STS: variants seen among roughly 807,000 people sequenced by gnomAD.
STS encodes the protein steryl-sulfatase.
Under a neutral mutation model 26.8 loss-of-function variants are expected in STS, and 7 were observed. The ratio of observed to expected loss-of-function variants is 0.26; its 90% CI spans 0.15 to 0.49. The LOEUF is 0.49. Among genes scored for constraint, STS ranks in the 20% least tolerant of loss-of-function variants. The probability of loss-of-function intolerance (pLI) is 0.98; values close to 1 mark genes in which losing one functional copy is unlikely to be tolerated. For synonymous variants in STS, 199 were observed against 189.4 expected (o/e 1.05, Z -0.42); for missense variants, 434 against 465.6 (o/e 0.93, Z 0.63).
At chrX:7,217,559 C>T (rs1601660400) in intron 2 of STS, among the ~76,000 whole-genome samples, 2 of 111,800 alleles carry the variant, frequency 1.8e-5, no homozygotes, top group East Asian at 2.8e-4. Flanking sequence ...TAAAATTGCT[C>T]GGGCGTATGA....
At chrX:7,155,859 C>T (rs934597034) in intron 1 of STS, among the ~76,000 whole-genome samples, 12 of 111,640 alleles carry the variant, frequency 1.1e-4, no homozygotes, top group Middle Eastern at 9.3e-3. Context: ...TTGCAATTTC[C>T]GAGAATCAGC....
chrX:7,209,322 AC>A (rs1920976042), intron 2 of STS, among the ~76,000 whole-genome samples: 1 of 109,276 alleles, frequency 9.2e-6, no homozygotes, highest in African/African-American at 3.3e-5. Context: ...AAAGATTAAT[AC>A]CACAGATTTT....
At chrX:7,260,397 C>CCTT (rs755693873) in intron 6 of STS, among the ~76,000 whole-genome samples, 1 of 111,267 alleles carries the variant, frequency 9.0e-6, no homozygotes, top group South Asian at 4.0e-4. Flanking sequence ...AGATATCCCA[C>CCTT]TGGTTTTTTG....
Position 7,354,041 on chromosome X carries a change from C to T in STS, c.*3780C>T, listed in dbSNP as rs1928908634. On this transcript the variant is annotated 3_prime_UTR_variant, in exon 11 of 11. Transcript: ENST00000674429. ...TCTCCCAGGCCCAATCTGGGCACTT[C>T]CTTGTAAAATCTAGTTTTGGCAAGA... is the stretch of plus-strand genomic sequence containing the variant. The T allele has an allele frequency of 9.0e-6, 1 of 111,587 alleles. No individual in the cohort carries two copies. Among genetic ancestry groups the T allele is most frequent in the Admixed American group, 9.5e-5 (1 of 10,500 alleles). The allele number at this position is 111,587 out of a possible 1,213,427, so 9.2% of individuals were successfully genotyped here.
intron 2 of STS, among the ~76,000 whole-genome samples, chrX:7,194,503 C>T (rs1933935513): frequency 9.0e-6 from 1 of 111,140 alleles, no homozygotes; most frequent in African/African-American, 3.3e-5. Context: ...GCAGGTCCCT[C>T]CCACAAGTCT....
chrX:7,226,154 C>T (rs1472680506), intron 2 of STS, among the ~76,000 whole-genome samples: 1 of 112,138 alleles, frequency 8.9e-6, no homozygotes, highest in Non-Finnish European at 1.9e-5. Context: ...CCTCTCTAAT[C>T]AATACCCCAG....
intron 2 of STS, chrX:7,219,819 C>T (rs1921470604): frequency 1.2e-6 from 1 of 801,619 alleles, no homozygotes; most frequent in Non-Finnish European, 1.8e-6. Flanking sequence ...TTTCTTAAAT[C>T]TGTTTTTGCT....
At chrX:7,278,245 G>T (rs192455542) in intron 7 of STS, among the ~76,000 whole-genome samples, 358 of 112,366 alleles carry the variant, frequency 3.2e-3, no homozygotes, top group Non-Finnish European at 5.5e-3. Context: ...GTGTTCTAAA[G>T]AATATTTCTT....
intron 10 of STS, among the ~76,000 whole-genome samples, chrX:7,348,931 G>C (rs1321311284): frequency 9.0e-6 from 1 of 110,897 alleles, no homozygotes; most frequent in Non-Finnish European, 1.9e-5. Context: ...ATCACTTCTA[G>C]CCTCATTTAA....
chrX:7,228,473 A>C (rs1433109747), intron 2 of STS, among the ~76,000 whole-genome samples: 1 of 111,491 alleles, frequency 9.0e-6, no homozygotes, highest in African/African-American at 3.3e-5. Flanking sequence ...CATTTTCCTG[A>C]TGATTGGTGA....
chrX:7,313,664 A>G (rs1448695535), intron 8 of STS, among the ~76,000 whole-genome samples: 1 of 111,896 alleles, frequency 8.9e-6, no homozygotes, highest in Middle Eastern at 4.2e-3. Context: ...TTTTACTGGC[A>G]TGCATTTATA....
intron 8 of STS, among the ~76,000 whole-genome samples, chrX:7,318,126 G>A (rs1172669294): frequency 1.8e-5 from 2 of 111,757 alleles, no homozygotes; most frequent in Non-Finnish European, 3.8e-5. Context: ...AAAGTCACGA[G>A]TTTGAATGGT....
chrX:7,278,534 T>C (rs1289256754), intron 7 of STS, among the ~76,000 whole-genome samples: 1 of 112,211 alleles, frequency 8.9e-6, no homozygotes, highest in African/African-American at 3.2e-5. Context: ...AGAACCTTTA[T>C]TATGTAACTG....
chrX:7,151,925 TA>T (rs1933020486), intron 1 of STS, among the ~76,000 whole-genome samples: 1 of 111,533 alleles, frequency 9.0e-6, no homozygotes, highest in Non-Finnish European at 1.9e-5. Flanking sequence ...GGAGGGGGCT[TA>T]GGATTATTAT....
intron 1 of STS, among the ~76,000 whole-genome samples, chrX:7,163,660 A>G (rs2146991255): frequency 8.9e-6 from 1 of 112,669 alleles, no homozygotes; most frequent in East Asian, 2.8e-4. Flanking sequence ...GTAGGTTTGC[A>G]ATCCTTTGTC....
At chrX:7,228,522 G>T (rs868543272) in intron 2 of STS, among the ~76,000 whole-genome samples, 1 of 112,141 alleles carries the variant, frequency 8.9e-6, no homozygotes, top group Non-Finnish European at 1.9e-5. Context: ...GCATTTGTAT[G>T]TGTTCTTCGG....
intron 9 of STS, among the ~76,000 whole-genome samples, chrX:7,328,088 C>T (rs1444909897): frequency 1.8e-5 from 2 of 111,639 alleles, no homozygotes; most frequent in Non-Finnish European, 3.8e-5. Flanking sequence ...CCAAAAATCC[C>T]ATTCTCTATT....
At chrX:7,255,567 A>G (rs1352360058) in intron 3 of STS, among the ~76,000 whole-genome samples, 2 of 112,047 alleles carry the variant, frequency 1.8e-5, no homozygotes, top group Non-Finnish European at 3.8e-5. Context: ...GGAAGAATTC[A>G]TGGCAATATA....
intron 2 of STS, among the ~76,000 whole-genome samples, chrX:7,232,288 G>T (rs984562393): frequency 8.9e-6 from 1 of 112,357 alleles, no homozygotes; most frequent in Non-Finnish European, 1.9e-5. Context: ...AGGAGGGAGG[G>T]ATGGTGCATT....
Sources: gnomAD v4.1 joint callset for allele counts (sites outside exome capture counted in the v4.1 genomes callset) on GRCh38, gnomAD v4.1.1 for gene constraint, MANE v1.5 for transcripts, NCBI Gene and HGNC (gene_info 2026-07-23, HGNC 2026-07-21) for gene names.